Variants in DPPA2 observed in about 807,000 individuals in gnomAD.
DPPA2 encodes the protein developmental pluripotency associated 2, also known as developmental pluripotency-associated protein 2.
DPPA2 carries 26 observed loss-of-function variants against 36.2 expected under a neutral mutation model. The ratio of observed to expected loss-of-function variants is 0.72; its 90% CI spans 0.53 to 1.00. DPPA2 has a LOEUF of 1.00. Ranked by LOEUF, DPPA2 falls within the 50% of genes least tolerant of loss-of-function variation. The probability of loss-of-function intolerance (pLI) is 0.00; values close to 1 mark genes in which losing one functional copy is unlikely to be tolerated. For synonymous variants in DPPA2, 113 were observed against 123.2 expected, an observed-to-expected ratio of 0.92 and a Z score of 0.55; for missense variants, 361 against 365.1, an observed-to-expected ratio of 0.99 and a Z score of 0.09.
At chr3:109,310,115 C>CAA (rs1707671381) in intron 3 of DPPA2, among the ~76,000 whole-genome samples, 1 of 151,186 alleles carries the variant, frequency 6.6e-6, no homozygotes, top group South Asian at 2.1e-4. Flanking sequence ...GTAATCCCAG[C>CAA]TACTAGGGAG....
At chr3:109,300,273 AG>A (rs1707435254) in intron 8 of DPPA2, 97 bp downstream of exon 8, 3 of 953,322 alleles carry the variant, frequency 3.1e-6, no homozygotes, top group African/African-American at 3.3e-5. Context: ...TTTAGTGAAT[AG>A]GGGGAAGGCA....
intron 6 of DPPA2, among the ~76,000 whole-genome samples, chr3:109,306,394 A>G (rs1038313118): frequency 4.6e-5 from 7 of 152,166 alleles, no homozygotes; most frequent in Non-Finnish European, 1.0e-4. Flanking sequence ...TCCCCACATA[A>G]ACGAATGTAG....
rs745778514 is a variant in DPPA2, at chr3:109,314,584, G to A, written c.-13-29C>T. On this transcript the variant is annotated intron_variant, in intron 1 of 8. Transcript: ENST00000478945. ...GGGAAGGCAAGGACAGCAATGTTAA[G>A]GATATGGTAGTTTACTTCTCTTAAC... 15 of 1,589,874 alleles carry A rather than the reference G, an allele frequency of 9.4e-6. No homozygotes were observed. In the South Asian group the frequency reaches 1.6e-4, roughly 17 times the overall value.
intron 8 of DPPA2, among the ~76,000 whole-genome samples, chr3:109,299,453 G>C (rs1300819881): frequency 1.3e-5 from 2 of 151,984 alleles, no homozygotes; most frequent in South Asian, 2.1e-4. Context: ...GGAGGCGGAG[G>C]TTGCAGTGAG....
In DPPA2 at chr3:109,299,753, G is replaced by GTTT. The variant is rs35794059; in HGVS notation, c.*22+615_*22+617dup. Among the ~76,000 whole-genome samples, 92 of 136,568 alleles carry GTTT rather than the reference G, an allele frequency of 6.7e-4. 2 individuals carry two copies. Among genetic ancestry groups the GTTT allele is most frequent in the Middle Eastern group, 3.8e-3 (1 of 260 alleles). The allele number at this position is 136,568 out of a possible 152,430, so 89.6% of individuals were successfully genotyped here. The stretch of plus-strand genomic sequence containing the variant: ...ATAATGTATCAATATTGACTCATTA[G>GTTT]TTTTTTTTTTTTTTTAGAGACTATG... On this transcript the variant is annotated intron_variant, in intron 8 of 8. Transcript: ENST00000478945.
chr3:109,308,786 G>T (rs530909082), intron 5 of DPPA2, among the ~76,000 whole-genome samples: 1 of 152,180 alleles, frequency 6.6e-6, no homozygotes, highest in African/African-American at 2.4e-5. Context: ...AACTGTGCAG[G>T]GGGAGGAAAG....
chr3:109,308,962 G>T, intron 5 of DPPA2, 64 bp downstream of exon 5: 2 of 1,586,740 alleles, frequency 1.3e-6, no homozygotes, highest in South Asian at 2.2e-5. Context: ...ATGGTGCGAC[G>T]GTAGGGACCG....
At chr3:109,297,735 C>T (rs1310872908) in intron 8 of DPPA2, among the ~76,000 whole-genome samples, 1 of 152,176 alleles carries the variant, frequency 6.6e-6, no homozygotes, top group Non-Finnish European at 1.5e-5. Context: ...ATCTTCACTA[C>T]ATATTGCTAT....
chr3:109,300,134 A>G (rs1707432963), intron 8 of DPPA2, among the ~76,000 whole-genome samples: 1 of 152,210 alleles, frequency 6.6e-6, no homozygotes, highest in African/African-American at 2.4e-5. Context: ...TCAAGGCATC[A>G]GGAGATACCA....
intron 8 of DPPA2, 38 bp downstream of exon 8, chr3:109,300,333 T>C (rs1277790174): frequency 1.3e-6 from 2 of 1,535,108 alleles, no homozygotes; most frequent in Non-Finnish European, 1.8e-6. Context: ...CAAATCAAAA[T>C]AATACTTATT....
chr3:109,308,895 G>A (rs1020620835), intron 5 of DPPA2, 131 bp downstream of exon 5: 80 of 1,146,218 alleles, frequency 7.0e-5, no homozygotes, highest in Non-Finnish European at 9.3e-5. Context: ...TATTTGTTCC[G>A]AAATATCAAT....
chr3:109,307,820 C>T (rs1316248319), intron 6 of DPPA2, among the ~76,000 whole-genome samples: 3 of 152,096 alleles, frequency 2.0e-5, no homozygotes, highest in African/African-American at 7.2e-5. Flanking sequence ...GGAAAAGGGC[C>T]ACTACTCAGT....
chr3:109,308,221 C>A lies in DPPA2; in HGVS notation c.469G>T (p.Ala157Ser), dbSNP rs144052288. 3,675 of 1,614,246 alleles carry A rather than the reference C, an allele frequency of 2.3e-3. 4 individuals are homozygous for A. Among genetic ancestry groups the A allele is most frequent in the Non-Finnish European group, 3.0e-3 (3,494 of 1,180,044 alleles). Residue 157 changes from alanine (A) to serine (S), a missense_variant, in exon 6 of 9, where the codon GCA (alanine) becomes TCA (serine). Ala to Ser is a moderately conservative substitution (Grantham distance 99). Transcript: ENST00000478945. ...SRKRKAVTKR[A>S]RLQRSYEMNE... is the part of the protein sequence containing the mutation. ...ATCTCATAACTTCTCTGAAGCCTTG[C>A]TCTCTTGGTCACTGCCTTGCGTTTC...
chr3:109,303,484 C>G (rs1438005440), intron 7 of DPPA2, among the ~76,000 whole-genome samples: 1 of 151,966 alleles, frequency 6.6e-6, no homozygotes, highest in African/African-American at 2.4e-5. Flanking sequence ...ATTCTTCTGC[C>G]TCAGTCTCCC....
At chr3:109,308,975 C>A (rs769934263) in intron 5 of DPPA2, 51 bp downstream of exon 5, 1 of 1,609,852 alleles carries the variant, frequency 6.2e-7, no homozygotes, top group East Asian at 2.2e-5. Flanking sequence ...AGGGACCGGA[C>A]GAATCATGAT....
At chr3:109,301,023 G>T (rs1183324433) in intron 7 of DPPA2, among the ~76,000 whole-genome samples, 1 of 145,142 alleles carries the variant, frequency 6.9e-6, no homozygotes, top group East Asian at 2.0e-4. Context: ...TCACTCTGCT[G>T]CCCAGGCTGG....
chr3:109,304,249 G>A (rs1258159031), intron 7 of DPPA2, among the ~76,000 whole-genome samples: 1 of 151,616 alleles, frequency 6.6e-6, no homozygotes, highest in Non-Finnish European at 1.5e-5. Context: ...CTGCAGCCTG[G>A]GCGAGAAGAG....
At chr3:109,305,755 C>T (rs924290293) in intron 6 of DPPA2, among the ~76,000 whole-genome samples, 2 of 109,294 alleles carry the variant, frequency 1.8e-5, no homozygotes, top group African/African-American at 3.7e-5. Flanking sequence ...GCCTGGACAA[C>T]AAGAGTGAAA....
intron 7 of DPPA2, among the ~76,000 whole-genome samples, chr3:109,301,121 C>T (rs368805234): frequency 6.6e-6 from 1 of 151,580 alleles, no homozygotes; most frequent in Non-Finnish European, 1.5e-5. Flanking sequence ...GTAGTTGGGA[C>T]CACAGGTGCA....
Sources: allele counts gnomAD v4.1 joint callset (sites outside exome capture counted in the v4.1 genomes callset), GRCh38; gene constraint gnomAD v4.1.1; transcripts MANE v1.5; gene names NCBI Gene and HGNC (gene_info 2026-07-23, HGNC 2026-07-21).